SYNE2: variants seen among roughly 807,000 people sequenced by gnomAD.
SYNE2 encodes spectrin repeat containing nuclear envelope protein 2, also known as nesprin-2.
A neutral mutation model predicts 856.3 loss-of-function variants in SYNE2; 431 were observed. The ratio of observed to expected loss-of-function variants is 0.50; its 90% CI spans 0.47 to 0.55. The LOEUF is 0.55. Ranked by LOEUF, SYNE2 falls within the 20% of genes least tolerant of loss-of-function variation. The probability of loss-of-function intolerance (pLI) is 0.00; values close to 1 mark genes in which losing one functional copy is unlikely to be tolerated. For synonymous variants in SYNE2, 2,923 were observed against 2,872.3 expected, an observed-to-expected ratio of 1.02 and a Z score of -0.56; for missense variants, 8,129 against 8,023.2, an observed-to-expected ratio of 1.01 and a Z score of -0.50.
chr14:63,998,890 G>A (rs1296863763), intron 26 of SYNE2, 24 bp from the exon 27 acceptor site: 1 of 1,613,146 alleles, frequency 6.2e-7, no homozygotes, highest in Admixed American at 1.7e-5. Context: ...TAACTATTGT[G>A]ATGTTGCATT....
intron 95 of SYNE2, among the ~76,000 whole-genome samples, chr14:64,175,627 G>T (rs1317453170): frequency 6.6e-6 from 1 of 152,154 alleles, no homozygotes; most frequent in Non-Finnish European, 1.5e-5. Flanking sequence ...CTTTGAACCT[G>T]TGGCCCTCCC....
intron 7 of SYNE2, among the ~76,000 whole-genome samples, chr14:63,950,239 A>G (rs1741993619): frequency 6.6e-6 from 1 of 152,186 alleles, no homozygotes; most frequent in South Asian, 2.1e-4. Context: ...TTTAGGTGGC[A>G]TATTATTACA....
At chr14:63,996,156 T>C (rs1232401115) in intron 23 of SYNE2, among the ~76,000 whole-genome samples, 2 of 152,200 alleles carry the variant, frequency 1.3e-5, no homozygotes, top group African/African-American at 4.8e-5. Context: ...CTACTGGTAA[T>C]GAATGGCATT....
chr14:63,784,953 T>TG (rs58032140), intron 1 of SYNE2, among the ~76,000 whole-genome samples: 92,517 of 151,548 alleles, frequency 0.61, 28,619 homozygotes, highest in South Asian at 0.74. Context: ...GTTATTTTTT[T>TG]GGGGGGGTGA....
chr14:64,127,478 A>G (rs923494627), intron 73 of SYNE2, among the ~76,000 whole-genome samples: 19 of 152,320 alleles, frequency 1.2e-4, no homozygotes, highest in African/African-American at 4.3e-4. Context: ...AGGATGAGCT[A>G]AAATAATGTT....
intron 1 of SYNE2, among the ~76,000 whole-genome samples, chr14:63,901,315 A>G (rs1437701563): frequency 6.6e-6 from 1 of 152,224 alleles, no homozygotes; most frequent in Non-Finnish European, 1.5e-5. Flanking sequence ...TCTATTGAAT[A>G]TGGAATGAAG....
chr14:63,948,967 G>A (rs2096102680), intron 6 of SYNE2, among the ~76,000 whole-genome samples: 1 of 151,550 alleles, frequency 6.6e-6, no homozygotes, highest in Non-Finnish European at 1.5e-5. Flanking sequence ...AGCATGGTCA[G>A]TGTCAGTAAA....
intron 7 of SYNE2, among the ~76,000 whole-genome samples, chr14:63,953,695 C>T (rs8020538): frequency 0.19 from 29,548 of 152,070 alleles, 3,273 homozygotes; most frequent in African/African-American, 0.31. Context: ...CTCTCTGTCA[C>T]CAGAACTTTT....
At chr14:63,960,638 T>G in intron 8 of SYNE2, 1 of 612,582 alleles carries the variant, frequency 1.6e-6, no homozygotes, top group South Asian at 1.9e-5. Context: ...CTTCATTGCT[T>G]GTTTAGGTCA....
intron 1 of SYNE2, among the ~76,000 whole-genome samples, chr14:63,858,248 G>A (rs1219020587): frequency 7.6e-6 from 1 of 131,604 alleles, no homozygotes; most frequent in African/African-American, 2.9e-5. Flanking sequence ...ACAGGTGTGC[G>A]TCTCCACACC....
chr14:64,074,211 ATAACTCAG>A (rs1054413901), intron 53 of SYNE2, 75 bp downstream of exon 53: 252 of 1,474,620 alleles, frequency 1.7e-4, no homozygotes, highest in Non-Finnish European at 2.2e-4. Context: ...TGGGGTAGAG[ATAACTCAG>A]TGGCTGGGTT....
In SYNE2 at chr14:64,014,974, TACACAC is replaced by T. The variant is rs1162341254; in HGVS notation, c.4729-1485_4729-1480del. Among the ~76,000 whole-genome samples the T allele has an allele frequency of 3.1e-4, 26 of 84,894 alleles. 2 individuals are homozygous for T. The South Asian group carries it at 0.011, about 36-fold the overall frequency. 55.7% of individuals were successfully genotyped at this position (84,894 alleles called of 152,430 possible). ...ATATATATATATATATATATATATA[TACACAC>T]ACACACACACACATATATAAATATA... On this transcript the variant is annotated intron_variant, in intron 32 of 115. Transcript: ENST00000555002.
At chr14:64,103,066 G>A (rs894994503) in intron 64 of SYNE2, among the ~76,000 whole-genome samples, 4 of 152,102 alleles carry the variant, frequency 2.6e-5, no homozygotes, top group African/African-American at 7.2e-5. Context: ...TGGACACTTC[G>A]GTTGCTTCTC....
Position 64,211,999 on chromosome 14 carries a change from G to A in SYNE2, c.18762G>A (p.Arg6254=). ...AGAGGGAAGAATTTGAGGGCACCAG[G>A]GAGAGCATTCTGGTGTGGCTCACAG... ...TNQREEFEGT[R]ESILVWLTEM... The change falls in exon 104 of 116, where the codon AGG becomes AGA. Residue 6254 remains arginine (R), a synonymous_variant. Coordinates refer to ENST00000555002, the MANE Select transcript of SYNE2 (RefSeq NM_182914.3). 6.2e-7 allele frequency: 1 copy of A among 1,614,204 alleles called. No homozygotes were observed. Among genetic ancestry groups the A allele is most frequent in the Non-Finnish European group, 8.5e-7 (1 of 1,180,040 alleles).
intron 73 of SYNE2, 111 bp from the exon 74 acceptor site, chr14:64,128,341 G>C (rs1260219262): frequency 1.5e-6 from 1 of 673,354 alleles, no homozygotes; most frequent in Admixed American, 2.5e-5. Flanking sequence ...CTCTATTTTT[G>C]TATTTGTTTG....
chr14:64,035,868 ATTT>A (rs547061262), intron 45 of SYNE2, among the ~76,000 whole-genome samples: 4 of 130,204 alleles, frequency 3.1e-5, no homozygotes, highest in African/African-American at 8.5e-5. Flanking sequence ...TAATTTTTGT[ATTT>A]TTTTTTTTTT....
rs10136662 is a variant in SYNE2, at chr14:64,130,468, A to G, written c.14340+220A>G. Reference sequence around the variant, plus strand: ...AACAGACACAGTTCCTTACATTCACAGAGCTTTCACCTGATTGAGAAGATA... The same window carrying G: ...AACAGACACAGTTCCTTACATTCACGGAGCTTTCACCTGATTGAGAAGATA... On this transcript the variant is annotated intron_variant, in intron 76 of 115. Transcript: ENST00000555002. Among the ~76,000 whole-genome samples, 39,511 of 152,170 alleles carry G rather than the reference A, an allele frequency of 0.26. 8,045 individuals carry two copies. Among genetic ancestry groups the G allele is most frequent in the African/African-American group, 0.57 (23,848 of 41,476 alleles).
chr14:63,995,244 G>C, intron 23 of SYNE2, 42 bp downstream of exon 23: 4 of 1,556,554 alleles, frequency 2.6e-6, no homozygotes, highest in Non-Finnish European at 3.5e-6. Flanking sequence ...CATCATTTTG[G>C]GGTTTATCTT....
chr14:63,878,864 A>T (rs2094790929), intron 1 of SYNE2, among the ~76,000 whole-genome samples: 1 of 152,224 alleles, frequency 6.6e-6, no homozygotes. Flanking sequence ...TTTTAAAAGT[A>T]GTGATCAAAA....
Sources: gnomAD v4.1 joint callset for allele counts (sites outside exome capture counted in the v4.1 genomes callset) on GRCh38, gnomAD v4.1.1 for gene constraint, MANE v1.5 for transcripts, NCBI Gene and HGNC (gene_info 2026-07-23, HGNC 2026-07-21) for gene names.